The following DCLK2 variants were observed in gnomAD, a reference collection of about 807,000 sequenced individuals.
DCLK2 encodes serine/threonine-protein kinase DCLK2.
In DCLK2, 31 loss-of-function variants were observed where a neutral mutation model predicts 78.4. The ratio of observed to expected loss-of-function variants is 0.40; its 90% CI spans 0.30 to 0.53. The LOEUF (loss-of-function observed/expected upper bound fraction) is 0.53, where lower values mean the gene tolerates loss of function less well. DCLK2 is among the 20% of genes least tolerant of loss of function. The pLI is 0.61. For synonymous variants in DCLK2, 407 were observed against 374.9 expected, an observed-to-expected ratio of 1.09 and a Z score of -0.99; for missense variants, 872 against 973.7, an observed-to-expected ratio of 0.90 and a Z score of 1.39.
chr4:150,255,973 C>G, intron 15 of DCLK2, 47 bp from the exon 16 acceptor site: 5 of 1,593,184 alleles, frequency 3.1e-6, no homozygotes, highest in Non-Finnish European at 4.3e-6. Flanking sequence ...AGCTGGGACC[C>G]GAGCCTGGGC....
At chr4:150,197,096 A>G (rs1376363952) in intron 3 of DCLK2, among the ~76,000 whole-genome samples, 2 of 151,778 alleles carry the variant, frequency 1.3e-5, no homozygotes, top group Non-Finnish European at 2.9e-5. Context: ...AAAGGTTGCA[A>G]TGAGCTGATA....
At chr4:150,233,122 C>G (rs1489995141) in intron 10 of DCLK2, among the ~76,000 whole-genome samples, 1 of 152,172 alleles carries the variant, frequency 6.6e-6, no homozygotes, top group Non-Finnish European at 1.5e-5. Context: ...ACAGGCTTAA[C>G]AGGAAGGCCT....
At chr4:150,125,205 G>T (rs2150188090) in intron 2 of DCLK2, among the ~76,000 whole-genome samples, 1 of 152,144 alleles carries the variant, frequency 6.6e-6, no homozygotes, top group African/African-American at 2.4e-5. Flanking sequence ...GTTTTGATTT[G>T]TCATGTTGGA....
At chr4:150,146,573 G>GT (rs1219362841) in intron 2 of DCLK2, among the ~76,000 whole-genome samples, 4 of 152,196 alleles carry the variant, frequency 2.6e-5, no homozygotes, top group Non-Finnish European at 5.9e-5. Flanking sequence ...AGCTGCCTGG[G>GT]TTCAAGTCCC....
At chr4:150,252,096 AAGTC>A (rs1271210211) in intron 15 of DCLK2, among the ~76,000 whole-genome samples, 1 of 152,146 alleles carries the variant, frequency 6.6e-6, no homozygotes, top group Non-Finnish European at 1.5e-5. Flanking sequence ...AAGCCTGAGA[AAGTC>A]AGAGTTGTCA....
At chr4:150,123,068 T>G (rs1392094448) in intron 2 of DCLK2, among the ~76,000 whole-genome samples, 2 of 152,224 alleles carry the variant, frequency 1.3e-5, no homozygotes, top group African/African-American at 4.8e-5. Flanking sequence ...CAACCAAACA[T>G]TCTCCACATC....
intron 1 of DCLK2, among the ~76,000 whole-genome samples, chr4:150,089,577 A>G (rs1397048150): frequency 4.6e-5 from 7 of 152,240 alleles, no homozygotes; most frequent in Non-Finnish European, 2.9e-5. Context: ...TAAAAACAAT[A>G]TAAAAATCCA....
chr4:150,130,273 C>G (rs1733209334), intron 2 of DCLK2, among the ~76,000 whole-genome samples: 1 of 152,024 alleles, frequency 6.6e-6, no homozygotes, highest in African/African-American at 2.4e-5. Flanking sequence ...ATCTAAAACA[C>G]ATAATGAGAG....
At chr4:150,188,474 A>G (rs553465206) in intron 2 of DCLK2, among the ~76,000 whole-genome samples, 5 of 152,222 alleles carry the variant, frequency 3.3e-5, no homozygotes, top group African/African-American at 1.2e-4. Context: ...AAAATTGTAT[A>G]ATTTGGTTAA....
chr4:150,236,479 G>A (rs908671861), intron 10 of DCLK2, among the ~76,000 whole-genome samples: 1 of 152,138 alleles, frequency 6.6e-6, no homozygotes, highest in Admixed American at 6.5e-5. Flanking sequence ...CAGTGGGGTG[G>A]CTCTAGAAGT....
intron 2 of DCLK2, among the ~76,000 whole-genome samples, chr4:150,160,678 T>C (rs1304119406): frequency 6.6e-6 from 1 of 152,202 alleles, no homozygotes; most frequent in Admixed American, 6.5e-5. Context: ...GACTCCAAAG[T>C]TGAGAAAGGC....
chr4:150,133,880 G>T (rs772810050), intron 2 of DCLK2, among the ~76,000 whole-genome samples: 2 of 152,032 alleles, frequency 1.3e-5, no homozygotes, highest in Admixed American at 1.3e-4. Context: ...ATAGGAAAAG[G>T]GTTCTAAGGT....
At chr4:150,134,076 C>G (rs1413040011) in intron 2 of DCLK2, among the ~76,000 whole-genome samples, 1 of 94,852 alleles carries the variant, frequency 1.1e-5, no homozygotes, top group South Asian at 3.6e-4. Context: ...CGTATAAACT[C>G]TTTTTTTTTT....
At chr4:150,094,743 A>C (rs1007310546) in intron 1 of DCLK2, among the ~76,000 whole-genome samples, 1 of 152,244 alleles carries the variant, frequency 6.6e-6, no homozygotes, top group African/African-American at 2.4e-5. Context: ...TTTGACAAAC[A>C]TGTTTTAAGT....
intron 8 of DCLK2, among the ~76,000 whole-genome samples, chr4:150,229,557 A>G (rs1278086903): frequency 6.6e-6 from 1 of 152,096 alleles, no homozygotes; most frequent in Non-Finnish European, 1.5e-5. Flanking sequence ...ACACAGAGGA[A>G]AGGACTGCTT....
chr4:150,228,883 A>G (rs1021496280), intron 8 of DCLK2, among the ~76,000 whole-genome samples: 3 of 151,242 alleles, frequency 2.0e-5, no homozygotes, highest in Non-Finnish European at 3.0e-5. Flanking sequence ...AAAATTAGCC[A>G]GGCGCGGTGG....
intron 4 of DCLK2, among the ~76,000 whole-genome samples, chr4:150,202,311 C>T (rs1418402222): frequency 6.6e-6 from 1 of 152,146 alleles, no homozygotes; most frequent in Non-Finnish European, 1.5e-5. Flanking sequence ...TTGTGCTACA[C>T]TTGTATTCTA....
chr4:150,105,691 A>C (rs1425237937), intron 2 of DCLK2, among the ~76,000 whole-genome samples: 1 of 152,084 alleles, frequency 6.6e-6, no homozygotes, highest in East Asian at 1.9e-4. Context: ...AAAAGCAAAA[A>C]ATTGAAAGTA....
Position 150,168,140 on chromosome 4 carries a change from G to A in DCLK2, c.757-24998G>A, listed in dbSNP as rs558320828. Among the ~76,000 whole-genome samples, 40 of 152,186 alleles carry A rather than the reference G, an allele frequency of 2.6e-4. No homozygotes were observed. The South Asian group carries it at 7.9e-3, about 30-fold the overall frequency. On this transcript the variant is annotated intron_variant, in intron 2 of 15. Coordinates refer to ENST00000296550, the MANE Select transcript of DCLK2 (RefSeq NM_001040260.4). ...GGGCGGATCACGAGGTCAGGAGATC[G>A]AGACCATCCTGGCTAACACAGTGAA... is the stretch of plus-strand genomic sequence containing the variant.
Sources: allele counts gnomAD v4.1 joint callset (sites outside exome capture counted in the v4.1 genomes callset), GRCh38; gene constraint gnomAD v4.1.1; transcripts MANE v1.5; gene names NCBI Gene and HGNC (gene_info 2026-07-23, HGNC 2026-07-21).